ESR1: variants seen among roughly 807,000 people sequenced by gnomAD.
ESR1 encodes estrogen receptor.
In ESR1, 12 loss-of-function variants were observed where a neutral mutation model predicts 52.7. The ratio of observed to expected loss-of-function variants is 0.23; its 90% confidence interval spans 0.15 to 0.37. The LOEUF (loss-of-function observed/expected upper bound fraction) is 0.37. Among genes scored for constraint, ESR1 ranks in the 10% least tolerant of loss-of-function variants. The pLI is 1.00. For missense variants in ESR1, 584 were observed against 779.7 expected (o/e 0.75, Z 2.99); for synonymous variants, 305 against 316.8 (o/e 0.96, Z 0.39).
chr6:152,026,751 T>C (rs1275158318), intron 5 of ESR1, among the ~76,000 whole-genome samples: 1 of 152,164 alleles, frequency 6.6e-6, no homozygotes, highest in Non-Finnish European at 1.5e-5. Flanking sequence ...AAGCATTCAT[T>C]TTCTACTATG....
intron 7 of ESR1, among the ~76,000 whole-genome samples, chr6:152,097,131 TTC>T (rs374574306): frequency 2.0e-5 from 3 of 150,914 alleles, no homozygotes; most frequent in African/African-American, 2.4e-5. Context: ...TTGCTTCTCT[TTC>T]TCTCTCTCTC....
chr6:151,787,502 G>T (rs1787136177), intron 2 of ESR1, among the ~76,000 whole-genome samples: 3 of 152,170 alleles, frequency 2.0e-5, no homozygotes, highest in South Asian at 4.1e-4. Context: ...CCATTTGTTT[G>T]TGTCATCTCT....
At chr6:151,908,266 C>CT (rs1762672896) in intron 3 of ESR1, among the ~76,000 whole-genome samples, 1 of 151,904 alleles carries the variant, frequency 6.6e-6, no homozygotes, top group Admixed American at 6.6e-5. Context: ...TTATTTCTGT[C>CT]TTTGAGGAGT....
chr6:152,062,993 T>C lies in ESR1; in HGVS notation c.1369+1869T>C, dbSNP rs566296455. On this transcript the variant is annotated intron_variant, in intron 6 of 7. Coordinates refer to ENST00000206249, the MANE Select transcript of ESR1 (RefSeq NM_000125.4). ...TATCAGGATTTTTGCCACCAAAAAG[T>C]TGGATTCATAGACCCAGGGTTTTTA... Among the ~76,000 whole-genome samples the C allele has an allele frequency of 7.8e-3, 1,182 of 152,220 alleles. 8 individuals carry two copies. Among genetic ancestry groups the C allele is most frequent in the Admixed American group, 0.013 (206 of 15,294 alleles).
At chr6:152,093,372 C>G (rs2050357102) in intron 6 of ESR1, among the ~76,000 whole-genome samples, 2 of 151,660 alleles carry the variant, frequency 1.3e-5, no homozygotes, top group Non-Finnish European at 1.5e-5. Flanking sequence ...CTCTCTCTCA[C>G]CCCCCCACAC....
chr6:151,753,502 G>C (rs1784057456), intron 2 of ESR1, among the ~76,000 whole-genome samples: 1 of 152,028 alleles, frequency 6.6e-6, no homozygotes, highest in Non-Finnish European at 1.5e-5. Flanking sequence ...ATTTTTAGTA[G>C]AGGCAAGGTT....
intron 2 of ESR1, among the ~76,000 whole-genome samples, chr6:151,774,309 A>G (rs1356148450): frequency 6.6e-6 from 1 of 152,244 alleles, no homozygotes; most frequent in Non-Finnish European, 1.5e-5. Flanking sequence ...ACAGAAAACA[A>G]TGGAGTTTGG....
chr6:151,764,461 A>G (rs1245476419), intron 2 of ESR1, among the ~76,000 whole-genome samples: 1 of 152,110 alleles, frequency 6.6e-6, no homozygotes, highest in African/African-American at 2.4e-5. Context: ...CACAGGGAGA[A>G]GTCTGCACTG....
chr6:151,972,099 C>A (rs2038971439), intron 4 of ESR1, among the ~76,000 whole-genome samples: 1 of 151,882 alleles, frequency 6.6e-6, no homozygotes, highest in Admixed American at 6.6e-5. Flanking sequence ...CTAGGTTAAG[C>A]CAGAAAGAAT....
intron 2 of ESR1, among the ~76,000 whole-genome samples, chr6:151,845,950 T>A (rs1178318972): frequency 6.6e-6 from 1 of 152,044 alleles, no homozygotes; most frequent in Non-Finnish European, 1.5e-5. Flanking sequence ...ACAGAACTTG[T>A]GAGGTAAAGG....
intron 2 of ESR1, among the ~76,000 whole-genome samples, chr6:151,785,607 T>C (rs187285687): frequency 6.6e-6 from 1 of 152,258 alleles, no homozygotes; most frequent in African/African-American, 2.4e-5. Flanking sequence ...GAAGATAACA[T>C]ACTACCGCAG....
At chr6:151,950,903 A>G (rs1478633308) in intron 4 of ESR1, among the ~76,000 whole-genome samples, 2 of 151,742 alleles carry the variant, frequency 1.3e-5, no homozygotes, top group African/African-American at 2.4e-5. Flanking sequence ...CTTCTATTGT[A>G]TTTTTGAGGC....
At chr6:151,970,083 C>T (rs2038747070) in intron 4 of ESR1, among the ~76,000 whole-genome samples, 1 of 152,028 alleles carries the variant, frequency 6.6e-6, no homozygotes, top group Non-Finnish European at 1.5e-5. Flanking sequence ...CTTCCCTCTG[C>T]CCCCGGAAAG....
intron 2 of ESR1, among the ~76,000 whole-genome samples, chr6:151,854,434 C>T (rs746986634): frequency 6.6e-6 from 1 of 151,992 alleles, no homozygotes; most frequent in Non-Finnish European, 1.5e-5. Flanking sequence ...TTTCCTTTAG[C>T]GGAAATAAAA....
At chr6:152,020,690 A>G (rs909812547) in intron 5 of ESR1, among the ~76,000 whole-genome samples, 2 of 152,124 alleles carry the variant, frequency 1.3e-5, no homozygotes, top group African/African-American at 4.8e-5. Flanking sequence ...GCCTCAAGTG[A>G]TCTACCCGCC....
At chr6:151,749,476 T>C (rs915307288) in intron 2 of ESR1, among the ~76,000 whole-genome samples, 1 of 152,190 alleles carries the variant, frequency 6.6e-6, no homozygotes, top group Non-Finnish European at 1.5e-5. Flanking sequence ...GCATTATTGT[T>C]AGCCACAGTC....
chr6:152,083,679 T>G, intron 6 of ESR1, among the ~76,000 whole-genome samples: 1 of 151,776 alleles, frequency 6.6e-6, no homozygotes, highest in South Asian at 2.1e-4. Flanking sequence ...ACCTACAGAG[T>G]GGGAGAAAAT....
intron 1 of ESR1, among the ~76,000 whole-genome samples, chr6:151,834,999 T>C (rs919397474): frequency 2.0e-5 from 3 of 152,036 alleles, no homozygotes; most frequent in African/African-American, 7.2e-5. Flanking sequence ...AAAAGATCTC[T>C]ACTATAATAG....
At chr6:151,726,528 G>A (rs1781857759) in intron 2 of ESR1, among the ~76,000 whole-genome samples, 1 of 152,052 alleles carries the variant, frequency 6.6e-6, no homozygotes, top group Admixed American at 6.5e-5. Flanking sequence ...AGTAGAGACG[G>A]GGTTTCACCG....
Sources: gnomAD v4.1 joint callset for allele counts (sites outside exome capture counted in the v4.1 genomes callset) on GRCh38, gnomAD v4.1.1 for gene constraint, MANE v1.5 for transcripts, NCBI Gene and HGNC (gene_info 2026-07-23, HGNC 2026-07-21) for gene names.